Variants in LRRC8D observed in about 807,000 individuals in gnomAD.
LRRC8D encodes leucine rich repeat containing 8 VRAC subunit D, also known as volume-regulated anion channel subunit LRRC8D.
Under a neutral mutation model 55.8 loss-of-function variants are expected in LRRC8D, and 20 were observed. The observed-to-expected ratio is 0.36, with a 90% CI of 0.25 to 0.52. The LOEUF (loss-of-function observed/expected upper bound fraction) is 0.52. Among genes scored for constraint, LRRC8D ranks in the 20% least tolerant of loss-of-function variants. LRRC8D has a pLI of 0.93. For synonymous variants in LRRC8D, 352 were observed against 377.0 expected (o/e 0.93, Z 0.77); for missense variants, 651 against 1,030.8 (o/e 0.63, Z 5.05).
chr1:89,887,865 T>G (rs1051021467), intron 2 of LRRC8D, among the ~76,000 whole-genome samples: 27 of 152,212 alleles, frequency 1.8e-4, no homozygotes, highest in African/African-American at 6.5e-4. Flanking sequence ...GTTATTTAGT[T>G]TGTTGGCTAA....
chr1:89,916,879 G>A (rs868200286), intron 2 of LRRC8D, among the ~76,000 whole-genome samples: 1 of 152,148 alleles, frequency 6.6e-6, no homozygotes, highest in Non-Finnish European at 1.5e-5. Flanking sequence ...CCTACCATGT[G>A]TTCAACATTA....
chr1:89,894,005 G>A (rs1662643794), intron 2 of LRRC8D, among the ~76,000 whole-genome samples: 1 of 152,186 alleles, frequency 6.6e-6, no homozygotes, highest in Admixed American at 6.5e-5. Flanking sequence ...CCCACAAAGT[G>A]TTGAAATCCT....
chr1:89,928,491 A>G (rs1663622520), intron 2 of LRRC8D, among the ~76,000 whole-genome samples: 2 of 152,244 alleles, frequency 1.3e-5, no homozygotes, highest in Non-Finnish European at 2.9e-5. Context: ...TGGAGAAAAC[A>G]GCAAGGGCAC....
At chr1:89,877,106 G>A (rs1422039086) in intron 2 of LRRC8D, among the ~76,000 whole-genome samples, 1 of 152,236 alleles carries the variant, frequency 6.6e-6, no homozygotes, top group East Asian at 1.9e-4. Context: ...ATTGGGATTG[G>A]CTGTAAAATG....
chr1:89,840,559 T>C (rs958524032), intron 1 of LRRC8D, among the ~76,000 whole-genome samples: 3 of 152,184 alleles, frequency 2.0e-5, no homozygotes, highest in Non-Finnish European at 4.4e-5. Flanking sequence ...GGTGTGGACA[T>C]AGCAGCATAG....
chr1:89,824,732 T>C (rs183915866), intron 1 of LRRC8D, among the ~76,000 whole-genome samples: 79 of 152,350 alleles, frequency 5.2e-4, no homozygotes, highest in African/African-American at 1.9e-3. Context: ...CAGTCTTTTA[T>C]TGGGATGTGG....
intron 1 of LRRC8D, among the ~76,000 whole-genome samples, chr1:89,824,905 A>G (rs1361988331): frequency 1.3e-5 from 2 of 152,216 alleles, no homozygotes; most frequent in African/African-American, 2.4e-5. Context: ...ACAACTGCCT[A>G]TGATTTTCTT....
chr1:89,897,235 G>C (rs1331621676), intron 2 of LRRC8D, among the ~76,000 whole-genome samples: 1 of 152,208 alleles, frequency 6.6e-6, no homozygotes, highest in Non-Finnish European at 1.5e-5. Context: ...TATTTTAATA[G>C]TATAGATCGG....
intron 1 of LRRC8D, among the ~76,000 whole-genome samples, chr1:89,831,462 G>A (rs1557440737): frequency 6.6e-6 from 1 of 152,044 alleles, no homozygotes; most frequent in African/African-American, 2.4e-5. Flanking sequence ...AGGACCGGTG[G>A]GACACACACA....
intron 1 of LRRC8D, among the ~76,000 whole-genome samples, chr1:89,840,597 A>T (rs1334892568): frequency 6.6e-6 from 1 of 152,174 alleles, no homozygotes; most frequent in Non-Finnish European, 1.5e-5. Flanking sequence ...TCTCCCACCA[A>T]ATGCTCTTCT....
intron 2 of LRRC8D, among the ~76,000 whole-genome samples, chr1:89,851,360 A>G (rs1557450342): frequency 6.6e-6 from 1 of 151,984 alleles, no homozygotes. Context: ...ATTTTCTCCA[A>G]GTTTACTTTG....
At chr1:89,845,902 CTCCCGAGTAGCTGGGAT>C (rs2100752394) in intron 2 of LRRC8D, among the ~76,000 whole-genome samples, 1 of 152,286 alleles carries the variant, frequency 6.6e-6, no homozygotes, top group South Asian at 2.1e-4. Flanking sequence ...CTGCCACAGC[CTCCCGAGTAGCTGGGAT>C]TACAGGCACG....
At chr1:89,887,734 T>G (rs1008858108) in intron 2 of LRRC8D, among the ~76,000 whole-genome samples, 1 of 152,236 alleles carries the variant, frequency 6.6e-6, no homozygotes, top group Admixed American at 6.5e-5. Context: ...TATAGTATCC[T>G]CTTAAGCCTT....
At chr1:89,841,585 C>G (rs926822844) in intron 1 of LRRC8D, among the ~76,000 whole-genome samples, 4 of 152,166 alleles carry the variant, frequency 2.6e-5, no homozygotes, top group Admixed American at 6.5e-5. Flanking sequence ...TTGCCACTTT[C>G]TTAAAGAGCC....
intron 1 of LRRC8D, among the ~76,000 whole-genome samples, chr1:89,832,181 A>G (rs1660903548): frequency 6.6e-6 from 1 of 152,210 alleles, no homozygotes; most frequent in Non-Finnish European, 1.5e-5. Context: ...TTTTCTGGGG[A>G]AAATCTAACA....
At chr1:89,920,864 A>G (rs1663397984) in intron 2 of LRRC8D, among the ~76,000 whole-genome samples, 1 of 152,112 alleles carries the variant, frequency 6.6e-6, no homozygotes, top group African/African-American at 2.4e-5. Flanking sequence ...AGTGTTAGGG[A>G]AGGCTTGTTG....
intron 2 of LRRC8D, among the ~76,000 whole-genome samples, chr1:89,916,689 CTCTTT>C (rs1663277085): frequency 6.6e-6 from 1 of 152,002 alleles, no homozygotes; most frequent in Non-Finnish European, 1.5e-5. Context: ...TTTCTGTTCT[CTCTTT>C]TCTTCGTTGA....
At chr1:89,839,804 AT>A (rs1176340480) in intron 1 of LRRC8D, among the ~76,000 whole-genome samples, 1 of 152,124 alleles carries the variant, frequency 6.6e-6, no homozygotes, top group Non-Finnish European at 1.5e-5. Context: ...ACAGCTTGTC[AT>A]TTTTTATTTT....
intron 2 of LRRC8D, among the ~76,000 whole-genome samples, chr1:89,868,558 T>A (rs1251648014): frequency 6.6e-6 from 1 of 152,046 alleles, no homozygotes; most frequent in East Asian, 1.9e-4. Context: ...GCACATCAAT[T>A]TTTTACAATA....
Sources: gnomAD v4.1 joint callset for allele counts (sites outside exome capture counted in the v4.1 genomes callset) on GRCh38, gnomAD v4.1.1 for gene constraint, MANE v1.5 for transcripts, NCBI Gene and HGNC (gene_info 2026-07-23, HGNC 2026-07-21) for gene names.